KCNK2: variants seen among roughly 807,000 people sequenced by gnomAD.
KCNK2 encodes the protein potassium two pore domain channel subfamily K member 2, also known as potassium channel subfamily K member 2.
Under a neutral mutation model 40.5 loss-of-function variants are expected in KCNK2, and 21 were observed. The ratio of observed to expected loss-of-function variants is 0.52; its 90% confidence interval spans 0.37 to 0.75. The LOEUF is 0.75. Among genes scored for constraint, KCNK2 ranks in the 30% least tolerant of loss-of-function variants. KCNK2 has a pLI of 0.00. For missense variants in KCNK2, 399 were observed against 531.6 expected, an observed-to-expected ratio of 0.75 and a Z score of 2.45; for synonymous variants, 191 against 202.2, an observed-to-expected ratio of 0.94 and a Z score of 0.47.
intron 1 of KCNK2, among the ~76,000 whole-genome samples, chr1:215,048,022 A>C (rs1163993535): frequency 6.6e-6 from 1 of 152,158 alleles, no homozygotes; most frequent in Non-Finnish European, 1.5e-5. Flanking sequence ...TTATGGAGTA[A>C]CGTCAGTGAA....
chr1:215,230,578 A>ACATAAC (rs1230907895), intron 6 of KCNK2, among the ~76,000 whole-genome samples: 10 of 60,554 alleles, frequency 1.7e-4, no homozygotes, highest in African/African-American at 2.8e-4. Flanking sequence ...ATATATATAC[A>ACATAAC]AGACCGTAAT....
At chr1:215,042,199 G>T (rs943534996) in intron 1 of KCNK2, among the ~76,000 whole-genome samples, 1 of 152,184 alleles carries the variant, frequency 6.6e-6, no homozygotes, top group Non-Finnish European at 1.5e-5. Context: ...CTAAGCAAAT[G>T]CAGAAAGACA....
At chr1:215,221,926 C>T (rs1314981154) in intron 6 of KCNK2, among the ~76,000 whole-genome samples, 4 of 152,182 alleles carry the variant, frequency 2.6e-5, no homozygotes, top group South Asian at 2.1e-4. Flanking sequence ...TTAATTGGCT[C>T]ATGGTTCTGC....
At chr1:215,018,717 C>T (rs530910311) in intron 1 of KCNK2, among the ~76,000 whole-genome samples, 3 of 152,166 alleles carry the variant, frequency 2.0e-5, no homozygotes, top group African/African-American at 4.8e-5. Context: ...GGGAATTACG[C>T]ATGGCCAGTC....
intron 1 of KCNK2, among the ~76,000 whole-genome samples, chr1:215,057,594 C>T (rs535020031): frequency 1.3e-5 from 2 of 152,232 alleles, no homozygotes; most frequent in South Asian, 2.1e-4. Context: ...TAGTCTATAG[C>T]TTCTATTTTC....
chr1:215,081,618 C>T (rs1378541163), upstream of KCNK2, among the ~76,000 whole-genome samples: 1 of 151,836 alleles, frequency 6.6e-6, no homozygotes, highest in African/African-American at 2.4e-5. Flanking sequence ...ATATTTTTCA[C>T]TAAGAAGTTC....
intron 2 of KCNK2, among the ~76,000 whole-genome samples, chr1:215,096,873 G>A (rs1335204682): frequency 2.6e-5 from 4 of 151,872 alleles, no homozygotes; most frequent in South Asian, 4.1e-4. Flanking sequence ...GCCTATCACA[G>A]TTATCCTAGG....
intron 6 of KCNK2, among the ~76,000 whole-genome samples, chr1:215,224,536 TA>T (rs976121439): frequency 7.9e-5 from 12 of 152,174 alleles, no homozygotes; most frequent in African/African-American, 2.4e-4. Context: ...AAAGACCACT[TA>T]AAAAATGCAA....
At chr1:215,217,242 T>C (rs1665998499) in intron 6 of KCNK2, among the ~76,000 whole-genome samples, 1 of 152,148 alleles carries the variant, frequency 6.6e-6, no homozygotes, top group Admixed American at 6.6e-5. Flanking sequence ...CCCACACCCA[T>C]GCAATTGTAC....
chr1:215,068,824 C>T (rs1432242459), intron 1 of KCNK2, among the ~76,000 whole-genome samples: 1 of 152,060 alleles, frequency 6.6e-6, no homozygotes, highest in Non-Finnish European at 1.5e-5. Context: ...AAACTCCCTT[C>T]CTGGGGCCCT....
intron 3 of KCNK2, among the ~76,000 whole-genome samples, chr1:215,130,913 T>A (rs1342812457): frequency 2.6e-5 from 4 of 152,028 alleles, no homozygotes; most frequent in Non-Finnish European, 5.9e-5. Flanking sequence ...TAGGCCGGAT[T>A]GCAGTGGCAC....
intron 1 of KCNK2, among the ~76,000 whole-genome samples, chr1:215,007,106 T>A (rs1043888621): frequency 6.7e-5 from 9 of 134,594 alleles, no homozygotes; most frequent in Non-Finnish European, 1.2e-4. Context: ...TATGTATATA[T>A]ATGTGTGTAT....
chr1:215,064,375 T>C (rs1658465939), intron 1 of KCNK2, among the ~76,000 whole-genome samples: 1 of 151,938 alleles, frequency 6.6e-6, no homozygotes, highest in Non-Finnish European at 1.5e-5. Flanking sequence ...GTGTGTAATA[T>C]GAATCCAACC....
At chr1:215,109,041 C>CT (rs1660565266) in intron 2 of KCNK2, among the ~76,000 whole-genome samples, 3 of 126,076 alleles carry the variant, frequency 2.4e-5, no homozygotes, top group African/African-American at 1.1e-4. Context: ...TATATATATG[C>CT]ATATATATAG....
intron 3 of KCNK2, among the ~76,000 whole-genome samples, chr1:215,148,068 T>A (rs1361841596): frequency 1.5e-4 from 18 of 120,244 alleles, no homozygotes; most frequent in Middle Eastern, 4.0e-3. Context: ...ATTATTTTTT[T>A]ATTTTCTTTT....
chr1:215,131,543 A>T (rs1452449697), intron 3 of KCNK2, among the ~76,000 whole-genome samples: 1 of 147,786 alleles, frequency 6.8e-6, no homozygotes, highest in Admixed American at 6.8e-5. Context: ...ATCTAGTTAT[A>T]TGTTAATATA....
chr1:215,089,839 A>T (rs66850353), intron 2 of KCNK2, among the ~76,000 whole-genome samples: 1,786 of 12,306 alleles, frequency 0.15, 66 homozygotes, highest in African/African-American at 0.28. Flanking sequence ...TTTTTTTTTT[A>T]TTTTGAAACA....
At chr1:215,204,842 T>A (rs1016089228) in intron 6 of KCNK2, among the ~76,000 whole-genome samples, 150 of 152,262 alleles carry the variant, frequency 9.9e-4, no homozygotes, top group African/African-American at 3.4e-3. Flanking sequence ...AAGTCAGGGA[T>A]TATTTAATCA....
chr1:215,184,360 A>G (rs555818619), intron 5 of KCNK2, among the ~76,000 whole-genome samples: 1 of 152,322 alleles, frequency 6.6e-6, no homozygotes, highest in African/African-American at 2.4e-5. Flanking sequence ...CACTTTTTAA[A>G]TATAACTAAC....
Sources: allele counts gnomAD v4.1 joint callset (sites outside exome capture counted in the v4.1 genomes callset), GRCh38; gene constraint gnomAD v4.1.1; transcripts MANE v1.5; gene names NCBI Gene and HGNC (gene_info 2026-07-23, HGNC 2026-07-21).